CSGALNACT1: variants seen among roughly 807,000 people sequenced by gnomAD.
CSGALNACT1 encodes the protein chondroitin sulfate N-acetylgalactosaminyltransferase 1.
CSGALNACT1 carries 52 observed loss-of-function variants against 51.0 expected under a neutral mutation model. The observed-to-expected ratio is 1.02, with a 90% confidence interval of 0.82 to 1.29. CSGALNACT1 has a LOEUF of 1.29. Ranked by LOEUF, CSGALNACT1 falls within the 50% of genes most tolerant of loss-of-function variation. The probability of loss-of-function intolerance (pLI) is 0.00; values close to 1 mark genes in which losing one functional copy is unlikely to be tolerated. For missense variants in CSGALNACT1, 935 were observed against 679.2 expected (o/e 1.38, Z -4.19); for synonymous variants, 341 against 254.4 (o/e 1.34, Z -3.24).
chr8:19,654,809 G>C (rs1273239937), intron 1 of CSGALNACT1, among the ~76,000 whole-genome samples: 1 of 152,124 alleles, frequency 6.6e-6, no homozygotes, highest in African/African-American at 2.4e-5. Flanking sequence ...GTCTCTCAAA[G>C]TGCTAGGATT....
chr8:19,625,935 C>G lies in CSGALNACT1; in HGVS notation c.-543-24070G>C, dbSNP rs138049644. On this transcript the variant is annotated intron_variant, in intron 1 of 9. Transcript: ENST00000332246. ...CAATCAGGCTAAATAATCTCTAAAGCCTTTTCAAAAGTTATTTGCAAAGAT... is the reference window on the plus strand; with the variant it reads ...CAATCAGGCTAAATAATCTCTAAAGGCTTTTCAAAAGTTATTTGCAAAGAT... Among the ~76,000 whole-genome samples, 1,100 of 152,246 alleles carry G rather than the reference C, an allele frequency of 7.2e-3. 4 individuals carry two copies. Among genetic ancestry groups the G allele is most frequent in the Non-Finnish European group, 0.01 (686 of 68,016 alleles).
rs573264077 is a variant in CSGALNACT1, at chr8:19,462,818, T to C, written c.635-4176A>G. ...CCCTTAATTTCATCAGTTTTCTTTT[T>C]TTTTTCAACTTTTAGGTTCAGAAGG... On this transcript the variant is annotated intron_variant, in intron 4 of 9. Transcript: ENST00000454498. Among the ~76,000 whole-genome samples the C allele has an allele frequency of 1.2e-3, 179 of 152,326 alleles. 1 individual carries two copies. The highest frequency in any genetic ancestry group is 2.3e-3 in the Admixed American group (35 of 15,304).
chr8:19,730,935 A>G lies in CSGALNACT1; in HGVS notation c.-297+26915T>C, dbSNP rs181803130. 2.0e-5 allele frequency among the ~76,000 whole-genome samples: 3 copies of G among 152,274 alleles called. No individual in the cohort carries two copies. In the East Asian group the frequency reaches 5.8e-4, roughly 29 times the overall value. On this transcript the variant is annotated intron_variant, in intron 1 of 1. Transcript: ENST00000517494. ...TGCGTCCTCCTGCATTCTTCATGCC[A>G]CGAGGACAGCTGGCAAACACCCTGG... is the stretch of plus-strand genomic sequence containing the variant.
intron 6 of CSGALNACT1, among the ~76,000 whole-genome samples, chr8:19,437,151 G>A (rs1016170358): frequency 1.3e-5 from 2 of 152,092 alleles, no homozygotes; most frequent in African/African-American, 2.4e-5. Context: ...TAGAGGTGCA[G>A]AAAGTGAGTA....
In CSGALNACT1 at chr8:19,506,385, G is replaced by A. The variant is rs564481448; in HGVS notation, c.-296-255C>T. Among the ~76,000 whole-genome samples, 11 of 152,308 alleles carry A rather than the reference G, an allele frequency of 7.2e-5. No individual in the cohort carries two copies. The South Asian group carries it at 2.3e-3, about 32-fold the overall frequency. The stretch of plus-strand genomic sequence containing the variant: ...ATCTGAACAATAATTCTCTCCAGAT[G>A]GAAAGATTAAGAGTCATCTTTCTAC... On this transcript the variant is annotated intron_variant, in intron 3 of 9. Coordinates refer to ENST00000454498, the Ensembl canonical transcript of CSGALNACT1.
At chr8:19,679,629 C>G (rs2060450277) in intron 1 of CSGALNACT1, among the ~76,000 whole-genome samples, 1 of 152,108 alleles carries the variant, frequency 6.6e-6, no homozygotes, top group African/African-American at 2.4e-5. Flanking sequence ...CTTCAAATCG[C>G]CTTTCAACCT....
At chr8:19,408,783 TG>T in intron 8 of CSGALNACT1, 89 bp from the exon 8 acceptor site, 20 of 1,139,296 alleles carry the variant, frequency 1.8e-5, no homozygotes, top group Non-Finnish European at 2.7e-5. Context: ...CCGTGGAGTG[TG>T]GAGCCCATCC....
chr8:19,437,201 G>A (rs1056683848), intron 6 of CSGALNACT1, among the ~76,000 whole-genome samples: 5 of 152,140 alleles, frequency 3.3e-5, no homozygotes, highest in Admixed American at 3.3e-4. Flanking sequence ...GTCAGAAAGA[G>A]CTCCAGAGGT....
intron 1 of CSGALNACT1, among the ~76,000 whole-genome samples, chr8:19,673,282 C>G (rs1404884429): frequency 6.6e-6 from 1 of 152,212 alleles, no homozygotes; most frequent in Non-Finnish European, 1.5e-5. Context: ...ACTACTGCAG[C>G]TTCACAACTA....
At chr8:19,601,941 A>G (rs903476852) in intron 1 of CSGALNACT1, 76 bp from the exon 2 acceptor site, 1 of 448,058 alleles carries the variant, frequency 2.2e-6, no homozygotes, top group Non-Finnish European at 4.5e-6. Flanking sequence ...ACAAAATGGG[A>G]ACATTTTAAA....
At chr8:19,524,609 G>A (rs917770626) in intron 3 of CSGALNACT1, among the ~76,000 whole-genome samples, 4 of 151,990 alleles carry the variant, frequency 2.6e-5, no homozygotes, top group African/African-American at 7.3e-5. Flanking sequence ...CTAAGTTAAT[G>A]AGTCTCAAGA....
At chr8:19,667,129 A>G (rs2059442556) in intron 1 of CSGALNACT1, among the ~76,000 whole-genome samples, 1 of 151,650 alleles carries the variant, frequency 6.6e-6, no homozygotes. Flanking sequence ...ATATCAAAAG[A>G]CATAATTTCA....
rs915691049 is a variant in CSGALNACT1, at chr8:19,693,820, C to T, written c.-297+64030G>A. ...TCTGCTACCTTCCCCTTCTTGAATT[C>T]GGTAACTATTAGGTTGGTGCAAAAG... is the stretch of plus-strand genomic sequence containing the variant. On this transcript the variant is annotated intron_variant, in intron 1 of 1. Coordinates refer to the CSGALNACT1 transcript ENST00000517494. Among the ~76,000 whole-genome samples, 12 of 152,282 alleles carry T rather than the reference C, an allele frequency of 7.9e-5. No individual in the cohort carries two copies. In the South Asian group the frequency reaches 2.3e-3, roughly 29 times the overall value.
intron 1 of CSGALNACT1, among the ~76,000 whole-genome samples, chr8:19,673,735 TTACCA>T (rs1246740299): frequency 1.3e-5 from 2 of 152,202 alleles, no homozygotes; most frequent in Admixed American, 6.5e-5. Flanking sequence ...AGCACACTTG[TTACCA>T]TACAATTTCT....
At chr8:19,618,084 G>A (rs1000067512) in intron 1 of CSGALNACT1, among the ~76,000 whole-genome samples, 4 of 150,864 alleles carry the variant, frequency 2.7e-5, no homozygotes, top group Non-Finnish European at 4.4e-5. Flanking sequence ...TCACTACATC[G>A]CCCAGGCTGG....
chr8:19,418,526 G>A, intron 8 of CSGALNACT1, 130 bp downstream of exon 7: 1 of 732,942 alleles, frequency 1.4e-6, no homozygotes. Context: ...CAGCACATCT[G>A]CCAAACGTAA....
intron 1 of CSGALNACT1, among the ~76,000 whole-genome samples, chr8:19,715,699 C>T (rs922054130): frequency 9.2e-5 from 14 of 152,096 alleles, no homozygotes; most frequent in African/African-American, 2.7e-4. Context: ...GGGGTAAATA[C>T]ATTTTAATGC....
intron 3 of CSGALNACT1, among the ~76,000 whole-genome samples, chr8:19,547,381 G>A (rs2086717633): frequency 1.3e-5 from 2 of 152,296 alleles, no homozygotes; most frequent in Non-Finnish European, 2.9e-5. Flanking sequence ...ATCTTGAATT[G>A]TAGGTCCCTT....
At chr8:19,731,457 G>T (rs1391285485) in intron 1 of CSGALNACT1, among the ~76,000 whole-genome samples, 2 of 152,052 alleles carry the variant, frequency 1.3e-5, no homozygotes, top group African/African-American at 4.8e-5. Context: ...GCAGTGAGCC[G>T]AGATTACACC....
Sources: gnomAD v4.1 joint callset for allele counts (sites outside exome capture counted in the v4.1 genomes callset) on GRCh38, gnomAD v4.1.1 for gene constraint, MANE v1.5 for transcripts, NCBI Gene and HGNC (gene_info 2026-07-23, HGNC 2026-07-21) for gene names.